Variants in BBS9 observed in about 807,000 individuals in gnomAD.
BBS9 encodes protein PTHB1.
Under a neutral mutation model 117.7 loss-of-function variants are expected in BBS9, and 89 were observed. The ratio of observed to expected loss-of-function variants is 0.76; its 90% CI spans 0.64 to 0.90. The LOEUF is 0.90. BBS9 is among the 40% of genes least tolerant of loss of function. The probability of loss-of-function intolerance (pLI) is 0.00; values close to 1 mark genes in which losing one functional copy is unlikely to be tolerated. For synonymous variants in BBS9, 379 were observed against 370.9 expected, an observed-to-expected ratio of 1.02 and a Z score of -0.25; for missense variants, 982 against 1,042.2, an observed-to-expected ratio of 0.94 and a Z score of 0.80.
At chr7:33,499,990 GTC>G (rs1481966818) in intron 19 of BBS9, among the ~76,000 whole-genome samples, 1 of 152,102 alleles carries the variant, frequency 6.6e-6, no homozygotes, top group Non-Finnish European at 1.5e-5. Context: ...CCTAGAAAAT[GTC>G]TGTTTTCTAA....
At position 33,340,967 on chromosome 7, in the gene BBS9, A is replaced by G. The variant is rs755816594; in HGVS notation, c.1269A>G (p.Ser423=). ...VSVVVSPNFD[S]VSQATDVEVG... ...TCGTGGTTTCTCCTAACTTTGATTC[A>G]GTTTCTGTAGGTGTACTTGCAGATT... Residue 423 remains serine (S), a synonymous_variant, in exon 11 of 23, where the codon TCA becomes TCG. Transcript: ENST00000242067. The G allele has an allele frequency of 3.7e-6, 6 of 1,613,176 alleles. No homozygotes were observed. The Admixed American group carries it at 8.3e-5, about 22-fold the overall frequency.
intron 5 of BBS9, among the ~76,000 whole-genome samples, chr7:33,202,000 G>A (rs1355493291): frequency 6.6e-6 from 1 of 152,184 alleles, no homozygotes; most frequent in Non-Finnish European, 1.5e-5. Flanking sequence ...TGCCTCCATA[G>A]TTGAGTGAGT....
At chr7:33,417,382 A>G (rs1016112055) in intron 19 of BBS9, among the ~76,000 whole-genome samples, 1 of 152,214 alleles carries the variant, frequency 6.6e-6, no homozygotes, top group African/African-American at 2.4e-5. Flanking sequence ...TTTAAGTTGG[A>G]TACTTCCTCT....
At chr7:33,590,313 G>A (rs1329407901) in intron 21 of BBS9, among the ~76,000 whole-genome samples, 1 of 152,076 alleles carries the variant, frequency 6.6e-6, no homozygotes, top group East Asian at 1.9e-4. Context: ...GAAAATGCTG[G>A]CATGAAAGTG....
In BBS9 at chr7:33,282,321, C is replaced by T. The variant is rs190685216; in HGVS notation, c.1016+8365C>T. Among the ~76,000 whole-genome samples, 853 of 152,218 alleles carry T rather than the reference C, an allele frequency of 5.6e-3. 12 individuals carry two copies. The highest frequency in any genetic ancestry group is 0.019 in the African/African-American group (803 of 41,550). On this transcript the variant is annotated intron_variant, in intron 9 of 22. Coordinates refer to ENST00000242067, the MANE Select transcript of BBS9 (RefSeq NM_198428.3). The stretch of plus-strand genomic sequence containing the variant: ...CAACCCTGATATTTTTCTCTACACA[C>T]GTGCAAATTTAGGCATAGAATAAAA...
At chr7:33,441,044 C>T (rs1836089341) in intron 19 of BBS9, among the ~76,000 whole-genome samples, 1 of 152,024 alleles carries the variant, frequency 6.6e-6, no homozygotes. Flanking sequence ...TGTGCATTTT[C>T]CGAACACTTC....
At chr7:33,510,645 G>A (rs112887394) in intron 20 of BBS9, among the ~76,000 whole-genome samples, 17 of 152,212 alleles carry the variant, frequency 1.1e-4, no homozygotes, top group African/African-American at 4.1e-4. Context: ...CTAGTCCTGT[G>A]CTGCCTAATA....
At chr7:33,460,404 C>T (rs558967353) in intron 19 of BBS9, among the ~76,000 whole-genome samples, 1 of 152,070 alleles carries the variant, frequency 6.6e-6, no homozygotes, top group East Asian at 1.9e-4. Context: ...CTTTAAGTAG[C>T]ATTGTTGATT....
chr7:33,222,791 A>G (rs952037298), intron 5 of BBS9, among the ~76,000 whole-genome samples: 3 of 151,850 alleles, frequency 2.0e-5, no homozygotes, highest in Admixed American at 2.0e-4. Flanking sequence ...TCTACTAAAA[A>G]TAAAAAAAAA....
chr7:33,496,257 G>A lies in BBS9; in HGVS notation c.2116-9206G>A, dbSNP rs1844693150. On this transcript the variant is annotated intron_variant, in intron 19 of 22. Coordinates refer to ENST00000242067, the MANE Select transcript of BBS9 (RefSeq NM_198428.3). Reference sequence around the variant, plus strand: ...GTGGTGGCTCTCGCCTGTAATCCCAGCACTTTGAGAGGCCGAGGTGGGCAG... The same window carrying A: ...GTGGTGGCTCTCGCCTGTAATCCCAACACTTTGAGAGGCCGAGGTGGGCAG... Among the ~76,000 whole-genome samples, 3 of 152,102 alleles carry A rather than the reference G, an allele frequency of 2.0e-5. No individual in the cohort carries two copies. The South Asian group carries it at 6.2e-4, about 32-fold the overall frequency.
At chr7:33,597,286 T>A (rs1306499935) in intron 21 of BBS9, among the ~76,000 whole-genome samples, 1 of 152,114 alleles carries the variant, frequency 6.6e-6, no homozygotes, top group African/African-American at 2.4e-5. Flanking sequence ...TAAATCTTGA[T>A]CAAAAGAAAA....
rs540875011 is a variant in BBS9, at chr7:33,185,002, G to T, written c.442+7411G>T. Reference sequence around the variant, plus strand: ...GAACTGAGGTTTCCTCCCCTCTTTAGACCATACAATGTAATTCCCTGATGT... The same window carrying T: ...GAACTGAGGTTTCCTCCCCTCTTTATACCATACAATGTAATTCCCTGATGT... On this transcript the variant is annotated intron_variant, in intron 5 of 22. Transcript: ENST00000242067. 3.3e-5 allele frequency among the ~76,000 whole-genome samples: 5 copies of T among 152,328 alleles called. No individual in the cohort carries two copies. The South Asian group carries it at 1.0e-3, about 32-fold the overall frequency.
intron 9 of BBS9, among the ~76,000 whole-genome samples, chr7:33,294,353 C>CCA (rs1804811660): frequency 1.5e-5 from 2 of 137,548 alleles, no homozygotes; most frequent in African/African-American, 5.4e-5. Flanking sequence ...ATCTATCTAT[C>CCA]TCTTTGTCCA....
At chr7:33,166,753 G>T (rs1795762254) in intron 4 of BBS9, among the ~76,000 whole-genome samples, 1 of 152,226 alleles carries the variant, frequency 6.6e-6, no homozygotes, top group African/African-American at 2.4e-5. Context: ...CAGTATTTGG[G>T]CAGGAGTGTC....
intron 19 of BBS9, among the ~76,000 whole-genome samples, chr7:33,412,982 T>C (rs1366204789): frequency 6.6e-6 from 1 of 152,220 alleles, no homozygotes. Flanking sequence ...CAATGTTTGA[T>C]ATAGTTTAGT....
chr7:33,322,731 C>A (rs1298206992), intron 9 of BBS9, among the ~76,000 whole-genome samples: 10 of 151,762 alleles, frequency 6.6e-5, no homozygotes, highest in Admixed American at 6.6e-4. Flanking sequence ...ATTTCAATGT[C>A]ATTTATTTCT....
chr7:33,529,968 A>G (rs1337268263), intron 20 of BBS9, among the ~76,000 whole-genome samples: 2 of 152,212 alleles, frequency 1.3e-5, no homozygotes, highest in Non-Finnish European at 2.9e-5. Context: ...AAAGGTAATG[A>G]GCTCAAATAC....
At chr7:33,160,037 A>G (rs1423733928) in intron 4 of BBS9, among the ~76,000 whole-genome samples, 1 of 150,420 alleles carries the variant, frequency 6.6e-6, no homozygotes, top group African/African-American at 2.5e-5. Context: ...ATGGCCAACA[A>G]GAAGTGCCAG....
intron 4 of BBS9, among the ~76,000 whole-genome samples, chr7:33,161,206 G>A (rs957512444): frequency 2.0e-5 from 3 of 151,978 alleles, no homozygotes; most frequent in East Asian, 1.9e-4. Flanking sequence ...GTGCTATGTC[G>A]GTTTGCTGCC....
Sources: gnomAD v4.1 joint callset for allele counts (sites outside exome capture counted in the v4.1 genomes callset) on GRCh38, gnomAD v4.1.1 for gene constraint, MANE v1.5 for transcripts, NCBI Gene and HGNC (gene_info 2026-07-23, HGNC 2026-07-21) for gene names.